NUDCD1: variants seen among roughly 807,000 people sequenced by gnomAD.
NUDCD1 encodes the protein NudC domain containing 1, also known as nudC domain-containing protein 1.
A neutral mutation model predicts 67.8 loss-of-function variants in NUDCD1; 60 were observed. The observed-to-expected ratio is 0.88, with a 90% confidence interval of 0.72 to 1.10. The LOEUF (loss-of-function observed/expected upper bound fraction) is 1.10. Ranked by LOEUF, NUDCD1 falls within the 50% of genes least tolerant of loss-of-function variation. The pLI, the probability that NUDCD1 is intolerant of heterozygous loss-of-function variation, is 0.00. For missense variants in NUDCD1, 643 were observed against 695.0 expected (o/e 0.93, Z 0.84); for synonymous variants, 244 against 230.8 (o/e 1.06, Z -0.52).
intron 7 of NUDCD1, among the ~76,000 whole-genome samples, chr8:109,272,414 T>C (rs116584337): frequency 0.036 from 5,437 of 151,432 alleles, 119 homozygotes; most frequent in Middle Eastern, 0.11. Context: ...AACAGAAACA[T>C]TGAAATATAG....
chr8:109,332,732 C>T (rs1270940913), intron 1 of NUDCD1, among the ~76,000 whole-genome samples: 1 of 152,060 alleles, frequency 6.6e-6, no homozygotes, highest in Admixed American at 6.5e-5. Flanking sequence ...CATGGTGATA[C>T]CATCTACTGA....
intron 2 of NUDCD1, chr8:109,298,760 G>A (rs1335643689): frequency 6.6e-6 from 1 of 152,170 alleles, no homozygotes; most frequent in African/African-American, 2.4e-5. Flanking sequence ...CGGGAGGCAG[G>A]ACTAAATTGC....
chr8:109,297,146 C>G (rs1425254379), intron 2 of NUDCD1, among the ~76,000 whole-genome samples: 3 of 152,162 alleles, frequency 2.0e-5, no homozygotes, highest in Non-Finnish European at 4.4e-5. Context: ...TGACAGAAAA[C>G]TAATACAATG....
intron 2 of NUDCD1, among the ~76,000 whole-genome samples, chr8:109,314,721 G>T (rs552090781): frequency 6.6e-6 from 1 of 151,910 alleles, no homozygotes; most frequent in South Asian, 2.1e-4. Flanking sequence ...AGATGCCTGG[G>T]TCAATATAGA....
chr8:109,296,659 C>CT (rs1814850695), intron 2 of NUDCD1, 90 bp from the exon 3 acceptor site: 3 of 908,432 alleles, frequency 3.3e-6, no homozygotes, highest in Non-Finnish European at 1.7e-6. Context: ...GGTTTCTCTC[C>CT]TTTTTAAGAG....
intron 4 of NUDCD1, 41 bp from the exon 5 acceptor site, chr8:109,289,974 AACT>A: frequency 1.1e-6 from 1 of 882,122 alleles, no homozygotes; most frequent in Middle Eastern, 2.6e-4. Flanking sequence ...TACAAATAAA[AACT>A]ATTATCAAAA....
intron 2 of NUDCD1, among the ~76,000 whole-genome samples, chr8:109,318,071 G>A (rs1815444134): frequency 2.0e-5 from 3 of 152,262 alleles, no homozygotes; most frequent in South Asian, 2.1e-4. Context: ...ATACATTAGT[G>A]TCCTACACAG....
chr8:109,321,510 G>C (rs191897884), intron 2 of NUDCD1, among the ~76,000 whole-genome samples: 8 of 150,834 alleles, frequency 5.3e-5, no homozygotes, highest in African/African-American at 1.5e-4. Context: ...GAGTTCTAAG[G>C]ACATTTTTTT....
At chr8:109,309,604 G>A (rs549409738) in intron 2 of NUDCD1, among the ~76,000 whole-genome samples, 14 of 152,140 alleles carry the variant, frequency 9.2e-5, no homozygotes, top group African/African-American at 2.2e-4. Context: ...TGGAAGTCCC[G>A]GCCAGAGCAA....
At chr8:109,267,754 T>C (rs561396757) in intron 8 of NUDCD1, among the ~76,000 whole-genome samples, 1 of 152,324 alleles carries the variant, frequency 6.6e-6, no homozygotes, top group East Asian at 1.9e-4. Flanking sequence ...TCAAATATTG[T>C]CTATAAAAGC....
Position 109,334,076 on chromosome 8 carries a change from C to G in NUDCD1, c.-66G>C, listed in dbSNP as rs777317222. 220 of 1,602,436 alleles carry G rather than the reference C, an allele frequency of 1.4e-4. No individual in the cohort carries two copies. Among genetic ancestry groups the G allele is most frequent in the Non-Finnish European group, 1.8e-4 (211 of 1,173,576 alleles). On this transcript the variant is annotated 5_prime_UTR_variant, in exon 1 of 10. Coordinates refer to ENST00000239690, the MANE Select transcript of NUDCD1 (RefSeq NM_032869.4). Reference sequence around the variant, plus strand: ...GTTGAAAGGTCCGCGCTTCACGCCTCGCACAGAGACTGGGAAGCGGCGTGG... The same window carrying G: ...GTTGAAAGGTCCGCGCTTCACGCCTGGCACAGAGACTGGGAAGCGGCGTGG...
chr8:109,317,523 A>C (rs1384929918), intron 2 of NUDCD1, among the ~76,000 whole-genome samples: 2 of 152,218 alleles, frequency 1.3e-5, no homozygotes, highest in Non-Finnish European at 2.9e-5. Context: ...GGATAATATC[A>C]GGATATTATC....
chr8:109,279,783 C>T (rs1359793002), intron 6 of NUDCD1, among the ~76,000 whole-genome samples: 1 of 152,134 alleles, frequency 6.6e-6, no homozygotes. Flanking sequence ...AGGCACCCGC[C>T]ACCACGCCCA....
intron 7 of NUDCD1, among the ~76,000 whole-genome samples, chr8:109,273,886 T>C (rs910179651): frequency 1.1e-4 from 17 of 151,946 alleles, no homozygotes; most frequent in Non-Finnish European, 2.2e-4. Flanking sequence ...AAAAAACCTA[T>C]CCAATATTCC....
chr8:109,327,867 C>T (rs1369514432), intron 1 of NUDCD1, among the ~76,000 whole-genome samples: 3 of 152,224 alleles, frequency 2.0e-5, no homozygotes, highest in Non-Finnish European at 2.9e-5. Context: ...GAGCTCTCCC[C>T]TACCTTGTTC....
intron 5 of NUDCD1, among the ~76,000 whole-genome samples, chr8:109,289,458 G>A (rs748971576): frequency 5.3e-5 from 8 of 152,024 alleles, no homozygotes; most frequent in Non-Finnish European, 8.8e-5. Flanking sequence ...AATACTAATA[G>A]CAAATAGACA....
Position 109,271,150 on chromosome 8 carries a change from T to C in NUDCD1, c.1174-20A>G. 1 of 1,463,310 alleles carries C rather than the reference T, an allele frequency of 6.8e-7. No homozygotes were observed. The highest frequency in any genetic ancestry group is 1.3e-5 in the South Asian group (1 of 77,800). 90.6% of individuals were successfully genotyped at this position (1,463,310 alleles called of 1,614,324 possible). On this transcript the variant is annotated intron_variant, in intron 7 of 9. Coordinates refer to ENST00000239690, the MANE Select transcript of NUDCD1 (RefSeq NM_032869.4). ...TGGATTCTTAGTCCAGAAAATAAAA[T>C]AAGTAAATAAGTAAAACAAATAAAC... is the stretch of plus-strand genomic sequence containing the variant.
chr8:109,273,124 T>C (rs1037053474), intron 7 of NUDCD1, among the ~76,000 whole-genome samples: 3 of 152,134 alleles, frequency 2.0e-5, no homozygotes, highest in African/African-American at 7.2e-5. Flanking sequence ...CATTTGCTGA[T>C]TTCTAAACTG....
At chr8:109,290,096 A>T (rs892118722) in intron 4 of NUDCD1, among the ~76,000 whole-genome samples, 163 bp from the exon 5 acceptor site, 4 of 152,200 alleles carry the variant, frequency 2.6e-5, no homozygotes, top group African/African-American at 9.6e-5. Context: ...TTTACAATCT[A>T]ATTTTCCGTA....
Sources: gnomAD v4.1 joint callset for allele counts (sites outside exome capture counted in the v4.1 genomes callset) on GRCh38, gnomAD v4.1.1 for gene constraint, MANE v1.5 for transcripts, NCBI Gene and HGNC (gene_info 2026-07-23, HGNC 2026-07-21) for gene names.